Variants in GPC5 observed in about 807,000 individuals in gnomAD.
GPC5 encodes glypican-5.
A neutral mutation model predicts 53.9 loss-of-function variants in GPC5; 47 were observed. That is an observed-to-expected ratio of 0.87 (90% CI 0.69 to 1.11). The LOEUF (loss-of-function observed/expected upper bound fraction) is 1.11. GPC5 is among the 50% of genes most tolerant of loss of function. GPC5 has a pLI of 0.00. For synonymous variants in GPC5, 286 were observed against 263.3 expected (o/e 1.09, Z -0.84); for missense variants, 748 against 713.1 (o/e 1.05, Z -0.56).
At chr13:91,756,991 T>C (rs1001841993) in intron 5 of GPC5, among the ~76,000 whole-genome samples, 3 of 152,086 alleles carry the variant, frequency 2.0e-5, no homozygotes, top group African/African-American at 7.2e-5. Context: ...TGTTCATTGA[T>C]ATGTTGTCAA....
At chr13:91,630,640 G>A (rs941267374) in intron 2 of GPC5, among the ~76,000 whole-genome samples, 3 of 152,034 alleles carry the variant, frequency 2.0e-5, no homozygotes, top group African/African-American at 7.2e-5. Flanking sequence ...CCCCAAAGAG[G>A]GCCTGTCCCC....
intron 7 of GPC5, among the ~76,000 whole-genome samples, chr13:92,765,767 A>G (rs938273609): frequency 6.6e-5 from 10 of 152,160 alleles, no homozygotes; most frequent in African/African-American, 1.9e-4. Context: ...TTTGAAAAGC[A>G]CTGTACTAGG....
rs534707921 is a variant in GPC5, at chr13:91,604,710, T to C, written c.326-88477T>C. Among the ~76,000 whole-genome samples, 48 of 123,894 alleles carry C rather than the reference T, an allele frequency of 3.9e-4. No individual in the cohort carries two copies. The East Asian group carries it at 9.6e-3, about 25-fold the overall frequency. 81.3% of individuals were successfully genotyped at this position (123,894 alleles called of 152,430 possible). ...GCATTTCTCTGATGGCCAGTGATGA[T>C]GAGCATTTTTTCATGTGTTTTTTGG... On this transcript the variant is annotated intron_variant, in intron 2 of 7. Coordinates refer to ENST00000377067, the MANE Select transcript of GPC5 (RefSeq NM_004466.6).
intron 7 of GPC5, among the ~76,000 whole-genome samples, chr13:92,682,160 A>C (rs1158866932): frequency 6.6e-6 from 1 of 152,196 alleles, no homozygotes; most frequent in Non-Finnish European, 1.5e-5. Flanking sequence ...AAATAGACTG[A>C]TTCAACTGAA....
Position 91,398,958 on chromosome 13 carries a change from G to A in GPC5, c.-89G>A. 6.9e-7 allele frequency: 1 copy of A among 1,456,984 alleles called. No individual in the cohort carries two copies. Among genetic ancestry groups the A allele is most frequent in the Non-Finnish European group, 9.1e-7 (1 of 1,095,968 alleles). The allele number at this position is 1,456,984 out of a possible 1,614,324, so 90.3% of individuals were successfully genotyped here. On this transcript the variant is annotated 5_prime_UTR_variant, in exon 1 of 8. Coordinates refer to ENST00000377067, the MANE Select transcript of GPC5 (RefSeq NM_004466.6). ...CGGCTCGCACCGCTCGAGAGCCTCGGCCGCTGTGTCTTCCACGTCTGCAGC... is the reference window on the plus strand; with the variant it reads ...CGGCTCGCACCGCTCGAGAGCCTCGACCGCTGTGTCTTCCACGTCTGCAGC...
chr13:92,598,244 AT>A (rs1170361768), intron 7 of GPC5, among the ~76,000 whole-genome samples: 2 of 152,206 alleles, frequency 1.3e-5, no homozygotes, highest in Non-Finnish European at 2.9e-5. Flanking sequence ...TTTTAATTAA[AT>A]TTCACAGTCA....
chr13:91,972,533 TGTTA>T (rs1250631482), intron 6 of GPC5, among the ~76,000 whole-genome samples: 1 of 152,102 alleles, frequency 6.6e-6, no homozygotes, highest in Non-Finnish European at 1.5e-5. Flanking sequence ...TCATTTTGCT[TGTTA>T]GTTGATACAG....
chr13:92,655,438 G>A (rs567507963), intron 7 of GPC5, among the ~76,000 whole-genome samples: 7 of 152,112 alleles, frequency 4.6e-5, no homozygotes, highest in East Asian at 1.9e-4. Flanking sequence ...CGGTTCAAGC[G>A]ATTCTCTTGC....
chr13:91,421,062 C>T (rs922982495), intron 1 of GPC5, among the ~76,000 whole-genome samples: 2 of 152,174 alleles, frequency 1.3e-5, no homozygotes, highest in Admixed American at 6.5e-5. Flanking sequence ...TCATGAGCTA[C>T]TCTATGAGGC....
At chr13:92,537,010 G>C (rs1881746867) in intron 7 of GPC5, among the ~76,000 whole-genome samples, 1 of 151,922 alleles carries the variant, frequency 6.6e-6, no homozygotes, top group African/African-American at 2.4e-5. Context: ...GCAGTTGTTA[G>C]CTCTGAAAAG....
chr13:92,060,443 AC>A (rs2041113641), intron 6 of GPC5, among the ~76,000 whole-genome samples: 1 of 152,046 alleles, frequency 6.6e-6, no homozygotes, highest in Non-Finnish European at 1.5e-5. Flanking sequence ...CCATTATTTC[AC>A]CTTTTTGCCT....
chr13:92,556,070 T>G (rs1882484063), intron 7 of GPC5, among the ~76,000 whole-genome samples: 1 of 151,782 alleles, frequency 6.6e-6, no homozygotes, highest in Non-Finnish European at 1.5e-5. Flanking sequence ...CCCCTTTATT[T>G]CCTGTAAATT....
At position 92,524,154 on chromosome 13, in the gene GPC5, T is replaced by A. The variant is rs553904230; in HGVS notation, c.1562-342128T>A. On this transcript the variant is annotated intron_variant, in intron 7 of 7. Transcript: ENST00000377067. ...AAGATTTCTCTGTAGCATGCGATGA[T>A]GTTTGCTAGTATTTTTCCCATAGCA... is the stretch of plus-strand genomic sequence containing the variant. 7.9e-5 allele frequency among the ~76,000 whole-genome samples: 12 copies of A among 152,232 alleles called. No homozygotes were observed. In the East Asian group the frequency reaches 1.7e-3, roughly 22 times the overall value.
At chr13:91,888,783 T>C (rs1213327451) in intron 5 of GPC5, among the ~76,000 whole-genome samples, 1 of 152,174 alleles carries the variant, frequency 6.6e-6, no homozygotes, top group Non-Finnish European at 1.5e-5. Context: ...TGTTTTGCTT[T>C]ATAATCCTTC....
intron 3 of GPC5, among the ~76,000 whole-genome samples, chr13:91,707,312 G>C (rs1408192900): frequency 6.6e-6 from 1 of 151,898 alleles, no homozygotes; most frequent in Non-Finnish European, 1.5e-5. Flanking sequence ...TTCACACTGA[G>C]TAGGTTGGCT....
At chr13:91,669,511 C>A (rs78104631) in intron 2 of GPC5, among the ~76,000 whole-genome samples, 1 of 152,272 alleles carries the variant, frequency 6.6e-6, no homozygotes, top group African/African-American at 2.4e-5. Flanking sequence ...TTAACATATC[C>A]TCCAATGACC....
intron 3 of GPC5, among the ~76,000 whole-genome samples, chr13:91,718,503 C>T (rs1197542969): frequency 6.6e-6 from 1 of 151,996 alleles, no homozygotes; most frequent in Non-Finnish European, 1.5e-5. Context: ...TAGTAGCTGG[C>T]TTTCTTCTCT....
intron 4 of GPC5, among the ~76,000 whole-genome samples, chr13:91,735,578 C>A (rs906258728): frequency 3.3e-5 from 5 of 151,218 alleles, no homozygotes; most frequent in African/African-American, 9.8e-5. Context: ...AATATAGTAT[C>A]TTTTTGTTGG....
At chr13:91,622,343 C>T (rs1190603225) in intron 2 of GPC5, among the ~76,000 whole-genome samples, 2 of 152,124 alleles carry the variant, frequency 1.3e-5, no homozygotes, top group African/African-American at 2.4e-5. Context: ...CAATGAGCAA[C>T]TGCATGTGTA....
Sources: allele counts gnomAD v4.1 joint callset (sites outside exome capture counted in the v4.1 genomes callset), GRCh38; gene constraint gnomAD v4.1.1; transcripts MANE v1.5; gene names NCBI Gene and HGNC (gene_info 2026-07-23, HGNC 2026-07-21).